ADGRB3: variants seen among roughly 807,000 people sequenced by gnomAD.
ADGRB3 encodes brain-specific angiogenesis inhibitor 3.
In ADGRB3, 37 loss-of-function variants were observed where a neutral mutation model predicts 193.4. That is an observed-to-expected ratio of 0.19 (90% CI 0.15 to 0.25). The LOEUF (loss-of-function observed/expected upper bound fraction) is 0.25. Among genes scored for constraint, ADGRB3 ranks in the 10% least tolerant of loss-of-function variants. The probability of loss-of-function intolerance (pLI) is 1.00; values close to 1 mark genes in which losing one functional copy is unlikely to be tolerated. For synonymous variants in ADGRB3, 690 were observed against 644.2 expected, an observed-to-expected ratio of 1.07 and a Z score of -1.08; for missense variants, 1,637 against 1,852.9, an observed-to-expected ratio of 0.88 and a Z score of 2.14.
intron 17 of ADGRB3, among the ~76,000 whole-genome samples, chr6:69,193,069 T>A (rs980645650): frequency 1.3e-5 from 2 of 152,168 alleles, no homozygotes; most frequent in African/African-American, 4.8e-5. Flanking sequence ...TTTATCTATA[T>A]TCCTTTTTGC....
intron 20 of ADGRB3, among the ~76,000 whole-genome samples, chr6:69,298,024 C>T (rs1185921424): frequency 6.6e-6 from 1 of 151,960 alleles, no homozygotes; most frequent in Non-Finnish European, 1.5e-5. Context: ...ATTAGAGTAA[C>T]ATAAAAACGC....
chr6:68,883,376 G>A (rs1765789005), intron 3 of ADGRB3, among the ~76,000 whole-genome samples: 2 of 152,304 alleles, frequency 1.3e-5, no homozygotes, highest in South Asian at 4.1e-4. Context: ...GGTCAGATAA[G>A]GGAATAAAAG....
chr6:68,774,281 GA>G (rs1382924429), intron 3 of ADGRB3, among the ~76,000 whole-genome samples: 1 of 151,040 alleles, frequency 6.6e-6, no homozygotes, highest in Admixed American at 6.6e-5. Context: ...TAGGAAGCAG[GA>G]AAAAATTTGA....
chr6:69,211,913 A>G (rs1361993706), intron 17 of ADGRB3, among the ~76,000 whole-genome samples: 2 of 152,218 alleles, frequency 1.3e-5, no homozygotes, highest in African/African-American at 4.8e-5. Flanking sequence ...TACATAGTCT[A>G]GCATTTTTGA....
intron 21 of ADGRB3, among the ~76,000 whole-genome samples, chr6:69,326,627 A>G (rs1768575720): frequency 6.6e-6 from 1 of 152,148 alleles, no homozygotes; most frequent in African/African-American, 2.4e-5. Context: ...TTCATTATGA[A>G]CAAGTACAAT....
At chr6:69,256,043 T>C (rs1186243277) in intron 20 of ADGRB3, among the ~76,000 whole-genome samples, 1 of 152,016 alleles carries the variant, frequency 6.6e-6, no homozygotes, top group Non-Finnish European at 1.5e-5. Context: ...GAGGGCTCTG[T>C]TCTGTTCCAT....
At chr6:69,327,738 G>T (rs752070159) in intron 21 of ADGRB3, 82 bp from the exon 22 acceptor site, 3 of 1,131,464 alleles carry the variant, frequency 2.7e-6, no homozygotes, top group Non-Finnish European at 3.8e-6. Context: ...TTGAGCACCT[G>T]GAGTTTGTTC....
At chr6:68,948,342 GA>G in intron 6 of ADGRB3, among the ~76,000 whole-genome samples, 1 of 152,184 alleles carries the variant, frequency 6.6e-6, no homozygotes, top group East Asian at 1.9e-4. Flanking sequence ...TTTTTATGGT[GA>G]TTCCCCCTCT....
chr6:68,990,298 C>T (rs1331197563), intron 10 of ADGRB3, among the ~76,000 whole-genome samples: 1 of 152,116 alleles, frequency 6.6e-6, no homozygotes, highest in Non-Finnish European at 1.5e-5. Flanking sequence ...TAAATACGTT[C>T]TGGACAGAAA....
At chr6:68,927,233 A>G (rs1446863077) in intron 3 of ADGRB3, among the ~76,000 whole-genome samples, 2 of 152,144 alleles carry the variant, frequency 1.3e-5, no homozygotes, top group African/African-American at 2.4e-5. Flanking sequence ...GCTTTCACCA[A>G]AGCAGATCAT....
chr6:68,707,928 A>G (rs939832659), intron 3 of ADGRB3, among the ~76,000 whole-genome samples: 1 of 152,162 alleles, frequency 6.6e-6, no homozygotes, highest in Admixed American at 6.6e-5. Context: ...CTCAGGGGCA[A>G]AGTTCCTGTG....
intron 17 of ADGRB3, among the ~76,000 whole-genome samples, chr6:69,131,354 A>G (rs956087517): frequency 5.9e-5 from 9 of 152,062 alleles, no homozygotes; most frequent in Non-Finnish European, 8.8e-5. Context: ...TGTAATTTCA[A>G]TGAGTACAGT....
At chr6:69,161,591 T>A (rs1240746529) in intron 17 of ADGRB3, among the ~76,000 whole-genome samples, 1 of 152,126 alleles carries the variant, frequency 6.6e-6, no homozygotes, top group East Asian at 1.9e-4. Flanking sequence ...TAGCTAATCA[T>A]CCTCAAATTT....
rs553721627 is a variant in ADGRB3, at chr6:68,643,996, A to C, written c.757+4564A>C. Among the ~76,000 whole-genome samples, 13 of 151,806 alleles carry C rather than the reference A, an allele frequency of 8.6e-5. No homozygotes were observed. In the South Asian group the frequency reaches 2.7e-3, roughly 32 times the overall value. On this transcript the variant is annotated intron_variant, in intron 3 of 31. Coordinates refer to ENST00000370598, the MANE Select transcript of ADGRB3 (RefSeq NM_001704.3). Reference sequence around the variant, plus strand: ...GTTCTTCAAGTAAAATAAAAACAATAAACAAACAAACAAACAACAAACAAA... The same window carrying C: ...GTTCTTCAAGTAAAATAAAAACAATCAACAAACAAACAAACAACAAACAAA...
chr6:69,270,907 T>C (rs372502483), intron 20 of ADGRB3, among the ~76,000 whole-genome samples: 2 of 152,226 alleles, frequency 1.3e-5, no homozygotes, highest in Admixed American at 6.5e-5. Flanking sequence ...GAAAAACTTA[T>C]ATAGAATAAG....
chr6:68,859,509 A>G (rs774054815), intron 3 of ADGRB3, among the ~76,000 whole-genome samples: 5 of 152,142 alleles, frequency 3.3e-5, no homozygotes, highest in Non-Finnish European at 7.4e-5. Flanking sequence ...AGAAAAGTTT[A>G]ATGGACTTAC....
At chr6:68,665,449 T>C (rs1187009840) in intron 3 of ADGRB3, among the ~76,000 whole-genome samples, 1 of 151,882 alleles carries the variant, frequency 6.6e-6, no homozygotes, top group African/African-American at 2.4e-5. Flanking sequence ...TAATTTTATC[T>C]AAATTAACAT....
chr6:69,051,198 T>G (rs1771383126), intron 15 of ADGRB3, among the ~76,000 whole-genome samples: 1 of 152,186 alleles, frequency 6.6e-6, no homozygotes. Context: ...ATGGATGATT[T>G]AATGGATATA....
At chr6:68,661,538 CATATAT>C (rs66836065) in intron 3 of ADGRB3, among the ~76,000 whole-genome samples, 2,514 of 91,782 alleles carry the variant, frequency 0.027, 201 homozygotes, top group African/African-American at 0.031. Flanking sequence ...TATGTGTATA[CATATAT>C]ATATATATAT....
Sources: gnomAD v4.1 joint callset for allele counts (sites outside exome capture counted in the v4.1 genomes callset) on GRCh38, gnomAD v4.1.1 for gene constraint, MANE v1.5 for transcripts, NCBI Gene and HGNC (gene_info 2026-07-23, HGNC 2026-07-21) for gene names.